The following HS6ST3 variants were observed in gnomAD, a reference collection of about 807,000 sequenced individuals.
HS6ST3 encodes heparan sulfate 6-O-sulfotransferase 3.
A neutral mutation model predicts 36.7 loss-of-function variants in HS6ST3; 12 were observed. That is an observed-to-expected ratio of 0.33 (90% CI 0.21 to 0.53). The LOEUF is 0.53. Ranked by LOEUF, HS6ST3 falls within the 20% of genes least tolerant of loss-of-function variation. HS6ST3 has a pLI of 0.95. For missense variants in HS6ST3, 584 were observed against 640.9 expected, an observed-to-expected ratio of 0.91 and a Z score of 0.96; for synonymous variants, 240 against 257.5, an observed-to-expected ratio of 0.93 and a Z score of 0.65.
chr13:96,254,367 T>C (rs960837957), intron 1 of HS6ST3, among the ~76,000 whole-genome samples: 1 of 135,764 alleles, frequency 7.4e-6, no homozygotes, highest in Non-Finnish European at 1.5e-5. Flanking sequence ...TGAGCTGAGA[T>C]TGTGTCACTG....
chr13:96,397,054 A>C (rs2055425734), intron 1 of HS6ST3, among the ~76,000 whole-genome samples: 1 of 152,074 alleles, frequency 6.6e-6, no homozygotes. Flanking sequence ...AAATACAAAA[A>C]TTAGCTGGGC....
At chr13:96,285,263 A>G (rs1345998930) in intron 1 of HS6ST3, among the ~76,000 whole-genome samples, 2 of 152,170 alleles carry the variant, frequency 1.3e-5, no homozygotes, top group South Asian at 2.1e-4. Context: ...CAGCACATAA[A>G]TTTCAAGGAG....
chr13:96,337,330 C>T (rs1025508645), intron 1 of HS6ST3, among the ~76,000 whole-genome samples: 5 of 152,212 alleles, frequency 3.3e-5, no homozygotes, highest in Non-Finnish European at 7.3e-5. Flanking sequence ...CTGTCTCGGC[C>T]TCCCAAAGTC....
intron 1 of HS6ST3, among the ~76,000 whole-genome samples, chr13:96,791,704 G>T (rs1008950446): frequency 1.3e-5 from 2 of 151,982 alleles, no homozygotes; most frequent in Non-Finnish European, 2.9e-5. Context: ...CTCTTCCTTT[G>T]TTTGCCCTTC....
intron 1 of HS6ST3, among the ~76,000 whole-genome samples, chr13:96,506,439 AT>A (rs984385715): frequency 7.2e-5 from 11 of 152,172 alleles, no homozygotes; most frequent in African/African-American, 2.7e-4. Flanking sequence ...ACCATGTACT[AT>A]ATACAAGTGG....
At chr13:96,224,346 A>G (rs962542971) in intron 1 of HS6ST3, among the ~76,000 whole-genome samples, 10 of 151,846 alleles carry the variant, frequency 6.6e-5, no homozygotes, top group Non-Finnish European at 1.5e-4. Context: ...TTTTTTTTTA[A>G]GTGTCTCTCC....
rs183540181 is a variant in HS6ST3, at chr13:96,298,434, C to T, written c.707+206865C>T. Among the ~76,000 whole-genome samples, 470 of 152,272 alleles carry T rather than the reference C, an allele frequency of 3.1e-3. 4 individuals carry two copies. The highest frequency in any genetic ancestry group is 0.011 in the African/African-American group (451 of 41,556). On this transcript the variant is annotated intron_variant, in intron 1 of 1. Coordinates refer to ENST00000376705, the MANE Select transcript of HS6ST3 (RefSeq NM_153456.4). ...CAGTTACACATTCTTAGAAGCCTTCCTGCTGAAATAAATAGTATAAAGTAA... is the reference window on the plus strand; with the variant it reads ...CAGTTACACATTCTTAGAAGCCTTCTTGCTGAAATAAATAGTATAAAGTAA...
chr13:96,438,964 G>C (rs754064969), intron 1 of HS6ST3, among the ~76,000 whole-genome samples: 1 of 152,064 alleles, frequency 6.6e-6, no homozygotes, highest in Non-Finnish European at 1.5e-5. Context: ...CTACTCAAGG[G>C]GCTGAGGCAG....
intron 1 of HS6ST3, among the ~76,000 whole-genome samples, chr13:96,409,227 G>A (rs763701688): frequency 1.3e-5 from 2 of 152,196 alleles, no homozygotes; most frequent in African/African-American, 4.8e-5. Context: ...GATCAAATTT[G>A]TATAAGAATC....
At chr13:96,665,686 G>A (rs774053331) in intron 1 of HS6ST3, among the ~76,000 whole-genome samples, 6 of 152,180 alleles carry the variant, frequency 3.9e-5, no homozygotes, top group South Asian at 2.1e-4. Context: ...GATTTGAATC[G>A]CAGCTCTGCC....
At position 96,431,225 on chromosome 13, in the gene HS6ST3, A is replaced by AAACAAC. The variant is rs71213616; in HGVS notation, c.707+339683_707+339688dup. Among the ~76,000 whole-genome samples the AAACAAC allele has an allele frequency of 1.4e-3, 207 of 150,434 alleles. 1 individual carries two copies. Among genetic ancestry groups the AAACAAC allele is most frequent in the African/African-American group, 4.8e-3 (196 of 40,806 alleles). On this transcript the variant is annotated intron_variant, in intron 1 of 1. Transcript: ENST00000376705. ...TCTCTAAAACAAAAAACAAACAAAC[A>AAACAAC]AACAACAACAACAACAACAACAACA...
intron 1 of HS6ST3, among the ~76,000 whole-genome samples, chr13:96,743,436 C>T (rs1260944638): frequency 6.6e-6 from 1 of 152,026 alleles, no homozygotes; most frequent in Non-Finnish European, 1.5e-5. Context: ...GGAAGGAAAG[C>T]CTCTAAGATG....
chr13:96,628,061 G>A (rs567867989), intron 1 of HS6ST3, among the ~76,000 whole-genome samples: 9 of 151,488 alleles, frequency 5.9e-5, no homozygotes, highest in African/African-American at 2.2e-4. Context: ...CTTTATTTGG[G>A]TTTATTCTAT....
At chr13:96,768,062 T>C (rs1877165142) in intron 1 of HS6ST3, among the ~76,000 whole-genome samples, 1 of 152,190 alleles carries the variant, frequency 6.6e-6, no homozygotes, top group African/African-American at 2.4e-5. Flanking sequence ...CACCTTGTTT[T>C]CTTTTCTGTC....
At chr13:96,595,927 C>T (rs1398224683) in intron 1 of HS6ST3, among the ~76,000 whole-genome samples, 1 of 151,324 alleles carries the variant, frequency 6.6e-6, no homozygotes, top group African/African-American at 2.4e-5. Context: ...TTATTGTTTC[C>T]CTGTTTTGAA....
chr13:96,741,829 C>T (rs1876445608), intron 1 of HS6ST3, among the ~76,000 whole-genome samples: 1 of 152,158 alleles, frequency 6.6e-6, no homozygotes, highest in African/African-American at 2.4e-5. Flanking sequence ...ATGAGCACTT[C>T]ACAAAACTCT....
In HS6ST3 at chr13:96,828,998, C is replaced by CT. The variant is rs545356444; in HGVS notation, c.708-3490dup. On this transcript the variant is annotated intron_variant, in intron 1 of 1. Transcript: ENST00000376705. ...CATCACTAGAGGCTGAGTTTCCTTT[C>CT]TTGGGAATTAGGAATGTGTTCTTTT... 4.6e-5 allele frequency among the ~76,000 whole-genome samples: 7 copies of CT among 152,310 alleles called. No individual in the cohort carries two copies. In the East Asian group the frequency reaches 7.7e-4, roughly 17 times the overall value.
intron 1 of HS6ST3, among the ~76,000 whole-genome samples, chr13:96,802,610 G>C (rs1389892101): frequency 5.3e-5 from 8 of 152,162 alleles, no homozygotes; most frequent in Non-Finnish European, 2.9e-5. Flanking sequence ...AAGATGTACT[G>C]AGATGCTCAG....
chr13:96,192,414 A>G (rs1179008904), intron 1 of HS6ST3, among the ~76,000 whole-genome samples: 2 of 152,098 alleles, frequency 1.3e-5, no homozygotes, highest in African/African-American at 4.8e-5. Context: ...ATTGTATCCA[A>G]TAGACGCTTT....
Sources: allele counts gnomAD v4.1 joint callset (sites outside exome capture counted in the v4.1 genomes callset), GRCh38; gene constraint gnomAD v4.1.1; transcripts MANE v1.5; gene names NCBI Gene and HGNC (gene_info 2026-07-23, HGNC 2026-07-21).